STRN: variants seen among roughly 807,000 people sequenced by gnomAD.
The protein encoded by STRN is protein phosphatase 2 regulatory subunit B'''alpha.
Under a neutral mutation model 96.3 loss-of-function variants are expected in STRN, and 53 were observed. The observed-to-expected ratio is 0.55, with a 90% CI of 0.44 to 0.69. The LOEUF (loss-of-function observed/expected upper bound fraction) is 0.69. Among genes scored for constraint, STRN ranks in the 30% least tolerant of loss-of-function variants. STRN has a pLI of 0.00. For synonymous variants in STRN, 428 were observed against 355.9 expected (o/e 1.20, Z -2.28); for missense variants, 987 against 963.9 (o/e 1.02, Z -0.32).
intron 1 of STRN, among the ~76,000 whole-genome samples, chr2:36,963,019 T>C (rs975584872): frequency 1.1e-4 from 17 of 152,190 alleles, no homozygotes; most frequent in African/African-American, 3.9e-4. Flanking sequence ...ATCTTAATCA[T>C]TCTTTTTTTC....
At chr2:36,928,583 C>T (rs187211984) in intron 1 of STRN, among the ~76,000 whole-genome samples, 388 of 150,916 alleles carry the variant, frequency 2.6e-3, no homozygotes, top group Non-Finnish European at 4.2e-3. Context: ...ACCCAGGAGG[C>T]GGAGGTTGCA....
chr2:36,964,455 T>C (rs1036033725), intron 1 of STRN, among the ~76,000 whole-genome samples: 15 of 152,188 alleles, frequency 9.9e-5, no homozygotes, highest in African/African-American at 3.4e-4. Context: ...GCGCTGCTAA[T>C]AAAGATCAAT....
intron 9 of STRN, among the ~76,000 whole-genome samples, chr2:36,883,371 C>T (rs1254962480): frequency 6.6e-6 from 1 of 152,130 alleles, no homozygotes; most frequent in African/African-American, 2.4e-5. Flanking sequence ...GCAAGAGAAT[C>T]ACTTGAACCT....
chr2:36,935,807 G>C (rs1670686927), intron 1 of STRN, among the ~76,000 whole-genome samples: 1 of 152,094 alleles, frequency 6.6e-6, no homozygotes, highest in African/African-American at 2.4e-5. Context: ...GAAAAAAACA[G>C]GCAAGAACAT....
At chr2:36,948,516 T>C (rs1422131221) in intron 1 of STRN, among the ~76,000 whole-genome samples, 1 of 152,186 alleles carries the variant, frequency 6.6e-6, no homozygotes, top group Non-Finnish European at 1.5e-5. Flanking sequence ...TTGGACACAA[T>C]TTTAACATCA....
intron 1 of STRN, among the ~76,000 whole-genome samples, chr2:36,944,811 C>G (rs898308488): frequency 6.6e-6 from 1 of 152,080 alleles, no homozygotes; most frequent in Non-Finnish European, 1.5e-5. Context: ...GGAAGAGATG[C>G]TTAAATTCAG....
chr2:36,875,322 C>G (rs1362124727), intron 10 of STRN, among the ~76,000 whole-genome samples: 2 of 151,956 alleles, frequency 1.3e-5, no homozygotes, highest in Admixed American at 1.3e-4. Context: ...CTAGCCTGGG[C>G]AGTATAGCAA....
intron 1 of STRN, among the ~76,000 whole-genome samples, chr2:36,965,566 T>C (rs1665137625): frequency 6.6e-6 from 1 of 152,152 alleles, no homozygotes; most frequent in Non-Finnish European, 1.5e-5. Context: ...CTCTTAACCA[T>C]TCTCTCTGAC....
chr2:36,926,248 C>T (rs1358259636), intron 1 of STRN, among the ~76,000 whole-genome samples: 2 of 152,120 alleles, frequency 1.3e-5, no homozygotes, highest in African/African-American at 4.8e-5. Flanking sequence ...AGAACATTGA[C>T]AATTGAAATA....
chr2:36,900,749 T>C (rs1428081161), intron 5 of STRN, among the ~76,000 whole-genome samples: 1 of 152,012 alleles, frequency 6.6e-6, no homozygotes, highest in African/African-American at 2.4e-5. Flanking sequence ...AAAAATTAGC[T>C]GGGTGTAGTG....
chr2:36,856,769 G>A (rs1359527790), intron 14 of STRN, among the ~76,000 whole-genome samples: 3 of 152,164 alleles, frequency 2.0e-5, no homozygotes, highest in African/African-American at 7.2e-5. Context: ...TGGAGATACG[G>A]CCTGGCGGGA....
At chr2:36,865,209 A>G (rs943102984) in intron 12 of STRN, among the ~76,000 whole-genome samples, 2 of 152,104 alleles carry the variant, frequency 1.3e-5, no homozygotes, top group Non-Finnish European at 2.9e-5. Context: ...TAGTCTTGGG[A>G]CGTTGTTTCC....
chr2:36,906,661 C>A (rs537524576), intron 3 of STRN, among the ~76,000 whole-genome samples: 1 of 152,204 alleles, frequency 6.6e-6, no homozygotes, highest in South Asian at 2.1e-4. Flanking sequence ...CGTGGTGGCT[C>A]ACACCTGTAA....
chr2:36,854,891 G>A lies in STRN; in HGVS notation c.1978+321C>T, dbSNP rs1861433. Among the ~76,000 whole-genome samples, 124,925 of 152,118 alleles carry A rather than the reference G, an allele frequency of 0.82. 54,419 individuals are homozygous for A. The highest frequency in any genetic ancestry group is 0.96 in the Non-Finnish European group (65,181 of 67,998). On this transcript the variant is annotated intron_variant, in intron 15 of 17. Transcript: ENST00000263918. Reference sequence around the variant, plus strand: ...AAGTTGATTTAAAATATGAAATTACGAGAAATGAAAAATAGAATTTCCTAT... The same window carrying A: ...AAGTTGATTTAAAATATGAAATTACAAGAAATGAAAAATAGAATTTCCTAT...
chr2:36,866,538 T>C (rs1282471019), intron 12 of STRN, among the ~76,000 whole-genome samples: 1 of 152,196 alleles, frequency 6.6e-6, no homozygotes, highest in African/African-American at 2.4e-5. Context: ...GAGAGTTCTG[T>C]AGATACATGT....
In STRN at chr2:36,845,374, T is replaced by C. The variant is rs1352662404; in HGVS notation, c.*4082A>G. ...CAACATAGATTTTTTTTTAATTGCA[T>C]CCAACCATCATTTCAGATGTCATAA... On this transcript the variant is annotated 3_prime_UTR_variant, in exon 18 of 18. Transcript: ENST00000263918. 6.6e-6 allele frequency: 1 copy of C among 152,152 alleles called. No individual in the cohort carries two copies. The highest frequency in any genetic ancestry group is 1.5e-5 in the Non-Finnish European group (1 of 68,018). The allele number at this position is 152,152 out of a possible 1,614,324, so 9.4% of individuals were successfully genotyped here. A position where few individuals can be genotyped will look rare whatever the true frequency, so the allele number is the denominator to read the frequency against.
At chr2:36,912,453 T>G (rs1466193295) in intron 3 of STRN, among the ~76,000 whole-genome samples, 1 of 152,240 alleles carries the variant, frequency 6.6e-6, no homozygotes, top group Admixed American at 6.5e-5. Context: ...CTCTGAGAAT[T>G]AACCAGTAGT....
intron 1 of STRN, among the ~76,000 whole-genome samples, chr2:36,957,744 C>CTTTTTTTTTTTTTTTTTTTTT (rs1159531782): frequency 1.1e-5 from 1 of 89,208 alleles, no homozygotes; most frequent in Non-Finnish European, 2.1e-5. Flanking sequence ...TTCTTTTTGT[C>CTTTTTTTTTTTTTTTTTTTTT]TTTTTTTTTT....
Position 36,846,861 on chromosome 2 carries a change from G to C in STRN, c.*2595C>G, listed in dbSNP as rs753296227. 5 of 152,010 alleles carry C rather than the reference G, an allele frequency of 3.3e-5. No individual in the cohort carries two copies. The highest frequency in any genetic ancestry group is 7.4e-5 in the Non-Finnish European group (5 of 67,992). 9.4% of individuals were successfully genotyped at this position (152,010 alleles called of 1,614,324 possible). A position where few individuals can be genotyped will look rare whatever the true frequency, so the allele number is the denominator to read the frequency against. On this transcript the variant is annotated 3_prime_UTR_variant, in exon 18 of 18. Transcript: ENST00000263918. ...ATGTATCCACAGCATATGAAAATAA[G>C]GCAGGGATCCAAACCTCCCGCTAAT...
Sources: allele counts gnomAD v4.1 joint callset (sites outside exome capture counted in the v4.1 genomes callset), GRCh38; gene constraint gnomAD v4.1.1; transcripts MANE v1.5; gene names NCBI Gene and HGNC (gene_info 2026-07-23, HGNC 2026-07-21).